GPC6: variants seen among roughly 807,000 people sequenced by gnomAD.
GPC6 encodes the protein glypican 6.
In GPC6, 14 loss-of-function variants were observed where a neutral mutation model predicts 55.2. The ratio of observed to expected loss-of-function variants is 0.25; its 90% CI spans 0.17 to 0.40. The LOEUF (loss-of-function observed/expected upper bound fraction) is 0.40. Ranked by LOEUF, GPC6 falls within the 10% of genes least tolerant of loss-of-function variation. The pLI, the probability that GPC6 is intolerant of heterozygous loss-of-function variation, is 1.00. For missense variants in GPC6, 641 were observed against 708.5 expected, an observed-to-expected ratio of 0.90 and a Z score of 1.08; for synonymous variants, 278 against 259.6, an observed-to-expected ratio of 1.07 and a Z score of -0.68.
intron 6 of GPC6, among the ~76,000 whole-genome samples, chr13:94,330,334 G>A (rs1380300255): frequency 1.3e-5 from 2 of 152,166 alleles, no homozygotes; most frequent in Non-Finnish European, 2.9e-5. Flanking sequence ...ATTTCTCTGA[G>A]CCTCTAACTC....
chr13:93,998,736 A>G (rs1017495170), intron 3 of GPC6, among the ~76,000 whole-genome samples: 1 of 152,178 alleles, frequency 6.6e-6, no homozygotes, highest in Admixed American at 6.6e-5. Flanking sequence ...TGTATACATT[A>G]TATACAGCAT....
intron 1 of GPC6, among the ~76,000 whole-genome samples, chr13:93,494,658 G>T (rs1022097977): frequency 1.3e-5 from 2 of 152,064 alleles, no homozygotes; most frequent in Non-Finnish European, 2.9e-5. Flanking sequence ...GCAGCGGCTG[G>T]TACCGGTTGT....
intron 3 of GPC6, among the ~76,000 whole-genome samples, chr13:93,856,490 C>A (rs1203548119): frequency 6.6e-6 from 1 of 151,516 alleles, no homozygotes; most frequent in Non-Finnish European, 1.5e-5. Flanking sequence ...GGAACATAGG[C>A]AAATGAGAAA....
At chr13:94,389,001 G>A (rs1453847047) in intron 7 of GPC6, among the ~76,000 whole-genome samples, 2 of 152,186 alleles carry the variant, frequency 1.3e-5, no homozygotes, top group Non-Finnish European at 2.9e-5. Flanking sequence ...TCTGTCACTT[G>A]AGAAAGACAG....
intron 2 of GPC6, among the ~76,000 whole-genome samples, chr13:93,646,630 G>T (rs570226140): frequency 2.6e-5 from 4 of 152,150 alleles, no homozygotes; most frequent in Non-Finnish European, 5.9e-5. Context: ...AGTCCTTGAA[G>T]TCCTTAAGTT....
intron 2 of GPC6, among the ~76,000 whole-genome samples, chr13:93,583,321 T>G (rs1451015240): frequency 6.7e-6 from 1 of 148,394 alleles, no homozygotes; most frequent in Non-Finnish European, 1.5e-5. Flanking sequence ...CTGAATTTGT[T>G]TTAAAAGTAA....
At chr13:94,352,131 AG>A (rs1878581078) in intron 6 of GPC6, among the ~76,000 whole-genome samples, 1 of 152,082 alleles carries the variant, frequency 6.6e-6, no homozygotes, top group Non-Finnish European at 1.5e-5. Context: ...TGTATAAAGC[AG>A]TGAGGCACAG....
At chr13:94,059,450 A>C (rs1331667576) in intron 4 of GPC6, among the ~76,000 whole-genome samples, 1 of 152,000 alleles carries the variant, frequency 6.6e-6, no homozygotes. Flanking sequence ...TGCTACTTGT[A>C]ACACCCACAG....
At chr13:93,590,099 G>A (rs766657482) in intron 2 of GPC6, among the ~76,000 whole-genome samples, 3 of 152,122 alleles carry the variant, frequency 2.0e-5, no homozygotes, top group Non-Finnish European at 2.9e-5. Flanking sequence ...TTGTGTTGTA[G>A]TTTTTTGGAT....
At chr13:93,423,852 C>G (rs917011857) in intron 1 of GPC6, among the ~76,000 whole-genome samples, 1 of 151,944 alleles carries the variant, frequency 6.6e-6, no homozygotes, top group Non-Finnish European at 1.5e-5. Flanking sequence ...TGGCTAATGG[C>G]AAATGTGGGA....
chr13:93,570,011 T>G (rs1876326571), intron 2 of GPC6, among the ~76,000 whole-genome samples: 1 of 152,176 alleles, frequency 6.6e-6, no homozygotes, highest in African/African-American at 2.4e-5. Flanking sequence ...GATTTATTTT[T>G]GTAAATATAC....
chr13:94,403,640 GCAAA>G lies in GPC6; in HGVS notation c.*426_*429del, dbSNP rs1881249664. The G allele has an allele frequency of 4.4e-6, 1 of 225,790 alleles. No homozygotes were observed. Among genetic ancestry groups the G allele is most frequent in the African/African-American group, 2.3e-5 (1 of 43,440 alleles). The allele number at this position is 225,790 out of a possible 1,614,324, so 14.0% of individuals were successfully genotyped here. On this transcript the variant is annotated 3_prime_UTR_variant, in exon 9 of 9. Coordinates refer to ENST00000377047, the MANE Select transcript of GPC6 (RefSeq NM_005708.5). ...AGACAGCTACATTTTCAACAAAAAA[GCAAA>G]CAGAGAAAAATAAATGAACTTTAAC... is the stretch of plus-strand genomic sequence containing the variant.
At chr13:93,419,972 G>A (rs1030191354) in intron 1 of GPC6, among the ~76,000 whole-genome samples, 1 of 152,188 alleles carries the variant, frequency 6.6e-6, no homozygotes, top group East Asian at 1.9e-4. Context: ...AATTACAGCT[G>A]AATAGGAGAA....
In GPC6 at chr13:94,336,942, A is replaced by C. The variant is rs986391456; in HGVS notation, c.1152+30819A>C. On this transcript the variant is annotated intron_variant, in intron 6 of 8. Transcript: ENST00000377047. ...TAATGCTTCTAGGAGGTTCTTTTGA[A>C]TTTGTTTTATGATATCTCAGTAAAA... Among the ~76,000 whole-genome samples, 13 of 152,300 alleles carry C rather than the reference A, an allele frequency of 8.5e-5. No individual in the cohort carries two copies. In the East Asian group the frequency reaches 2.3e-3, roughly 27 times the overall value.
intron 3 of GPC6, among the ~76,000 whole-genome samples, chr13:93,939,160 C>A (rs2140361138): frequency 6.6e-6 from 1 of 150,532 alleles, no homozygotes; most frequent in Non-Finnish European, 1.5e-5. Flanking sequence ...AATGAAGGAG[C>A]AATTGAGCAG....
chr13:94,292,151 G>A (rs1439179222), intron 5 of GPC6, among the ~76,000 whole-genome samples: 1 of 152,162 alleles, frequency 6.6e-6, no homozygotes, highest in Non-Finnish European at 1.5e-5. Context: ...CGCAAAGACA[G>A]AAAAGTTATT....
intron 2 of GPC6, among the ~76,000 whole-genome samples, chr13:93,693,358 A>G (rs772901096): frequency 6.6e-6 from 1 of 152,124 alleles, no homozygotes; most frequent in Non-Finnish European, 1.5e-5. Flanking sequence ...ATGAGAAGCT[A>G]TTGATAAATA....
chr13:94,093,501 C>T (rs7990769), intron 4 of GPC6, among the ~76,000 whole-genome samples: 94,748 of 151,804 alleles, frequency 0.62, 29,802 homozygotes, highest in African/African-American at 0.69. Flanking sequence ...TTTTGATTAC[C>T]GTAACTCAGT....
At chr13:93,423,054 A>G (rs1323992) in intron 1 of GPC6, among the ~76,000 whole-genome samples, 2 of 128,664 alleles carry the variant, frequency 1.6e-5, no homozygotes, top group African/African-American at 3.5e-5. Flanking sequence ...GTCACACCCC[A>G]CCAGCTCCCC....
Sources: gnomAD v4.1 joint callset for allele counts (sites outside exome capture counted in the v4.1 genomes callset) on GRCh38, gnomAD v4.1.1 for gene constraint, MANE v1.5 for transcripts, NCBI Gene and HGNC (gene_info 2026-07-23, HGNC 2026-07-21) for gene names.